BCOR: variants seen among roughly 807,000 people sequenced by gnomAD.
BCOR encodes the protein BCL6 corepressor, also known as BCL-6 corepressor.
In BCOR, 10 loss-of-function variants were observed where a neutral mutation model predicts 86.7. The observed-to-expected ratio is 0.12, with a 90% CI of 0.07 to 0.20. The LOEUF (loss-of-function observed/expected upper bound fraction) is 0.20. Among genes scored for constraint, BCOR ranks in the 10% least tolerant of loss-of-function variants. The pLI, the probability that BCOR is intolerant of heterozygous loss-of-function variation, is 1.00. For synonymous variants in BCOR, 611 were observed against 609.0 expected (o/e 1.00, Z -0.05); for missense variants, 1,259 against 1,452.1 (o/e 0.87, Z 2.16).
Position 40,054,273 on chromosome X carries a change from T to C in BCOR, c.4802A>G (p.Tyr1601Cys), listed in dbSNP as rs898150083. The change falls in exon 13 of 15, where the codon TAT (tyrosine) becomes TGT (cysteine). Residue 1601 changes from tyrosine (Y) to cysteine (C), a missense_variant. Physicochemically the swap from Tyr to Cys is radical, Grantham distance 194. Transcript: ENST00000378444. Reference protein sequence around the residue: ...DDDASGTWDFYGSSVCEPDDE... With the variant: ...DDDASGTWDFCGSSVCEPDDE... ...CAGCTTACCACAAACAGAGCTGCCATAGAAGTCCCAAGTGCCACTGGCGTC... is the reference window on the plus strand; with the variant it reads ...CAGCTTACCACAAACAGAGCTGCCACAGAAGTCCCAAGTGCCACTGGCGTC... 5.8e-6 allele frequency: 7 copies of C among 1,209,125 alleles called. No individual in the cohort carries two copies. Among genetic ancestry groups the C allele is most frequent in the South Asian group, 3.5e-5 (2 of 56,580 alleles).
chrX:40,100,948 G>A (rs942312209), upstream of BCOR, among the ~76,000 whole-genome samples: 1 of 109,511 alleles, frequency 9.1e-6, no homozygotes, highest in Non-Finnish European at 1.9e-5. Context: ...CATCTCCTAG[G>A]GATACATTTT....
At chrX:40,088,995 G>A (rs1484812994) in intron 1 of BCOR, among the ~76,000 whole-genome samples, 3 of 111,907 alleles carry the variant, frequency 2.7e-5, no homozygotes, top group African/African-American at 9.8e-5. Context: ...AAGGCAGAAT[G>A]CAAACTACGG....
intron 1 of BCOR, among the ~76,000 whole-genome samples, chrX:40,122,443 C>T (rs923603131): frequency 8.9e-6 from 1 of 112,066 alleles, no homozygotes; most frequent in African/African-American, 3.2e-5. Flanking sequence ...GAGACTGTTC[C>T]CTTCTGCATG....
intron 1 of BCOR, among the ~76,000 whole-genome samples, chrX:40,127,449 C>G (rs1470689614): frequency 8.9e-6 from 1 of 112,344 alleles, no homozygotes; most frequent in Non-Finnish European, 1.9e-5. Flanking sequence ...CCAACTTACC[C>G]AATTGTGATA....
At position 40,072,834 on chromosome X, in the gene BCOR, G is replaced by A. The variant is rs148571491; in HGVS notation, c.2512C>T (p.Pro838Ser). ...AGGGCCGGCTCAACTGAGGGCTTGG[G>A]GGGCTCAGCGCTCTGGCCAACACTC... Reference protein sequence around the residue: ...AESVGQSAEPPKPSVEPALQQ... With the variant: ...AESVGQSAEPSKPSVEPALQQ... Residue 838 changes from proline to serine, a missense_variant, in exon 4 of 15, where the codon CCC becomes TCC. Physicochemically the swap from Pro to Ser is moderately conservative, Grantham distance 74 (BLOSUM62 -1). Coordinates refer to ENST00000378444, the MANE Select transcript of BCOR (RefSeq NM_001123385.2). 3.5e-5 allele frequency: 42 copies of A among 1,209,825 alleles called. No homozygotes were observed. The highest frequency in any genetic ancestry group is 4.6e-5 in the Non-Finnish European group (41 of 895,193).
chrX:40,080,845 T>C (rs1427530056), intron 1 of BCOR, among the ~76,000 whole-genome samples: 3 of 103,485 alleles, frequency 2.9e-5, no homozygotes, highest in Non-Finnish European at 5.9e-5. Flanking sequence ...TGTGTGTGTG[T>C]GTGTGTGTGT....
At chrX:40,157,941 A>C (rs1938330930) in intron 1 of BCOR, among the ~76,000 whole-genome samples, 1 of 112,685 alleles carries the variant, frequency 8.9e-6, no homozygotes, top group African/African-American at 3.2e-5. Flanking sequence ...AGATTTTCCA[A>C]GACATTCCTG....
Position 40,076,474 on chromosome X carries a change from T to C in BCOR, c.145A>G (p.Asn49Asp). The C allele has an allele frequency of 8.3e-7, 1 of 1,206,795 alleles. No homozygotes were observed. The highest frequency in any genetic ancestry group is 1.7e-5 in the African/African-American group (1 of 57,704). Residue 49 changes from asparagine to aspartate, a missense_variant, in exon 3 of 15, where the codon AAT (asparagine) becomes GAT (aspartate). By Grantham distance (23) the Asn-to-Asp change is conservative. Transcript: ENST00000378444. Reference protein sequence around the residue: ...SKARLELREENPLNHNVVDAS... With the variant: ...SKARLELREEDPLNHNVVDAS... ...CTTACCACGTTGTGGTTCAAGGGAT[T>C]CTCTTCCCTCAGTTCCAGTCTGGCT...
chrX:40,099,146 G>T (rs2147771557), upstream of BCOR, among the ~76,000 whole-genome samples: 1 of 112,604 alleles, frequency 8.9e-6, no homozygotes, highest in African/African-American at 3.2e-5. Context: ...GCCTGCGCCC[G>T]CAGCAGTTCA....
intron 1 of BCOR, among the ~76,000 whole-genome samples, chrX:40,173,290 C>T (rs1303520430): frequency 8.9e-6 from 1 of 111,944 alleles, no homozygotes; most frequent in Non-Finnish European, 1.9e-5. Context: ...TTCGAAACCT[C>T]GGAGTCCTCA....
intron 1 of BCOR, among the ~76,000 whole-genome samples, chrX:40,090,571 C>T (rs1390715924): frequency 1.8e-5 from 2 of 111,671 alleles, no homozygotes; most frequent in Admixed American, 9.3e-5. Context: ...CCACCCCACC[C>T]CCGCCTACTG....
chrX:40,148,614 G>C (rs980828645), intron 1 of BCOR, among the ~76,000 whole-genome samples: 74 of 111,585 alleles, frequency 6.6e-4, no homozygotes, highest in African/African-American at 2.2e-3. Flanking sequence ...GCCTGCAGGA[G>C]AGAGGGAGTA....
chrX:40,064,611 G>A lies in BCOR; in HGVS notation c.3239-12C>T, dbSNP rs1275112362. Reference sequence around the variant, plus strand: ...AACACTATACTCGCCTGGGGGAGGGGAGACAAGAGGGCATTAATGAAGCCC... The same window carrying A: ...AACACTATACTCGCCTGGGGGAGGGAAGACAAGAGGGCATTAATGAAGCCC... On this transcript the variant is annotated splice_polypyrimidine_tract_variant and intron_variant, in intron 6 of 14. Coordinates refer to ENST00000378444, the MANE Select transcript of BCOR (RefSeq NM_001123385.2). 1.7e-6 allele frequency: 2 copies of A among 1,211,646 alleles called. No individual in the cohort carries two copies. Among genetic ancestry groups the A allele is most frequent in the Non-Finnish European group, 2.2e-6 (2 of 895,204 alleles).
At chrX:40,150,281 C>A (rs1283691548) in intron 1 of BCOR, among the ~76,000 whole-genome samples, 1 of 112,220 alleles carries the variant, frequency 8.9e-6, no homozygotes, top group African/African-American at 3.2e-5. Flanking sequence ...GGGAAACACA[C>A]TTAGGTTATC....
chrX:40,150,900 A>G (rs112982612), intron 1 of BCOR, among the ~76,000 whole-genome samples: 2,966 of 112,348 alleles, frequency 0.026, 83 homozygotes, highest in African/African-American at 0.09. Context: ...ACTGCTTCAC[A>G]TCTTCCCACC....
intron 1 of BCOR, among the ~76,000 whole-genome samples, chrX:40,096,747 C>G (rs1319660486): frequency 1.8e-5 from 2 of 112,099 alleles, no homozygotes; most frequent in Admixed American, 9.3e-5. Flanking sequence ...AGTTCTTTCC[C>G]GAGTCGAAAA....
chrX:40,114,757 C>T (rs1474971009), intron 1 of BCOR, among the ~76,000 whole-genome samples: 2 of 111,202 alleles, frequency 1.8e-5, no homozygotes, highest in Non-Finnish European at 3.8e-5. Context: ...TTATTAAGGA[C>T]CTTTGTTCAT....
intron 1 of BCOR, among the ~76,000 whole-genome samples, chrX:40,112,042 C>T (rs1190977488): frequency 6.1e-5 from 6 of 98,755 alleles, no homozygotes; most frequent in African/African-American, 2.2e-4. Context: ...GAGTGGGGGC[C>T]GGGGTGGGGG....
chrX:40,099,030 C>A (rs780044639), upstream of BCOR, among the ~76,000 whole-genome samples: 155 of 113,253 alleles, frequency 1.4e-3, no homozygotes, highest in African/African-American at 4.9e-3. Context: ...GATTATCTCC[C>A]GCGTTTTATT....
Sources: gnomAD v4.1 joint callset for allele counts (sites outside exome capture counted in the v4.1 genomes callset) on GRCh38, gnomAD v4.1.1 for gene constraint, MANE v1.5 for transcripts, NCBI Gene and HGNC (gene_info 2026-07-23, HGNC 2026-07-21) for gene names.